The following ERC1 variants were observed in gnomAD, a reference collection of about 807,000 sequenced individuals.
ERC1 encodes RAB6 interacting protein 2.
Under a neutral mutation model 132.0 loss-of-function variants are expected in ERC1, and 56 were observed. The observed-to-expected ratio is 0.42, with a 90% CI of 0.34 to 0.53. ERC1 has a LOEUF of 0.53. Ranked by LOEUF, ERC1 falls within the 20% of genes least tolerant of loss-of-function variation. ERC1 has a pLI of 0.03. For missense variants in ERC1, 1,202 were observed against 1,349.9 expected, an observed-to-expected ratio of 0.89 and a Z score of 1.72; for synonymous variants, 478 against 476.1, an observed-to-expected ratio of 1.00 and a Z score of -0.05.
intron 7 of ERC1, among the ~76,000 whole-genome samples, chr12:1,121,719 CTCTATCTCTATCTCTATCTCTA>C (rs1947184177): frequency 1.3e-3 from 8 of 6,136 alleles, no homozygotes; most frequent in Non-Finnish European, 3.4e-3. Context: ...GTGTCTCTAT[CTCTATCTCTATCTCTATCTCTA>C]TCTATCTCTA....
intron 7 of ERC1, among the ~76,000 whole-genome samples, chr12:1,131,685 T>C (rs1411100374): frequency 1.3e-5 from 2 of 152,148 alleles, no homozygotes; most frequent in East Asian, 3.9e-4. Flanking sequence ...CAGGATGGTC[T>C]CGATCTCCTG....
chr12:1,061,435 T>TA (rs35881682), intron 2 of ERC1, among the ~76,000 whole-genome samples: 12 of 141,036 alleles, frequency 8.5e-5, no homozygotes, highest in Admixed American at 2.1e-4. Context: ...GTCTCTACTA[T>TA]AAAAAAAAAA....
rs1464026288 is a variant in ERC1, at chr12:1,371,950, T to A, written c.2898T>A (p.Asp966Glu). ...TGGCTGCCCTGAAGCGGGAGAAGGATCGTCTGGTACAGCAGCTTAAGCAGC... is the reference window on the plus strand; with the variant it reads ...TGGCTGCCCTGAAGCGGGAGAAGGAACGTCTGGTACAGCAGCTTAAGCAGC... The part of the protein sequence containing the change: ...EEVAALKREK[D>E]RLVQQLKQQT... The change falls in exon 16 of 19, where the codon GAT becomes GAA. Residue 966 changes from aspartate (D) to glutamate (E), a missense_variant. Coordinates refer to ENST00000360905, the MANE Select transcript of ERC1 (RefSeq NM_178040.4). 2.5e-6 allele frequency: 4 copies of A among 1,613,864 alleles called. No homozygotes were observed. Among genetic ancestry groups the A allele is most frequent in the Non-Finnish European group, 3.4e-6 (4 of 1,180,038 alleles).
At chr12:1,208,510 C>T (rs1255706635) in intron 12 of ERC1, among the ~76,000 whole-genome samples, 1 of 152,176 alleles carries the variant, frequency 6.6e-6, no homozygotes, top group Non-Finnish European at 1.5e-5. Context: ...CTAGAGATGA[C>T]ATGCAGGTTG....
At chr12:1,018,970 C>A (rs569228304) in intron 1 of ERC1, among the ~76,000 whole-genome samples, 1 of 152,236 alleles carries the variant, frequency 6.6e-6, no homozygotes, top group African/African-American at 2.4e-5. Context: ...AGAAGAAGGT[C>A]ATGGAAACCA....
chr12:1,095,512 T>G lies in ERC1; in HGVS notation c.1087-9238T>G, dbSNP rs565627956. Reference sequence around the variant, plus strand: ...CATATTTTTTATGGTCTACCACATTTGAAAGTATATTATAGCAACATTAAA... The same window carrying G: ...CATATTTTTTATGGTCTACCACATTGGAAAGTATATTATAGCAACATTAAA... On this transcript the variant is annotated intron_variant, in intron 3 of 18. Coordinates refer to ENST00000360905, the MANE Select transcript of ERC1 (RefSeq NM_178040.4). 1.1e-4 allele frequency among the ~76,000 whole-genome samples: 17 copies of G among 152,258 alleles called. No individual in the cohort carries two copies. The South Asian group carries it at 3.1e-3, about 28-fold the overall frequency.
At chr12:1,309,704 T>C (rs2081146492) in intron 15 of ERC1, among the ~76,000 whole-genome samples, 1 of 147,980 alleles carries the variant, frequency 6.8e-6, no homozygotes, top group Non-Finnish European at 1.5e-5. Flanking sequence ...TCTCATTATG[T>C]GCACTCTGAC....
At position 1,494,202 on chromosome 12, in the gene ERC1, G is replaced by T. The variant is rs1369557236; in HGVS notation, c.*3972G>T. 1 of 232,242 alleles carries T rather than the reference G, an allele frequency of 4.3e-6. No individual in the cohort carries two copies. Among genetic ancestry groups the T allele is most frequent in the Non-Finnish European group, 8.5e-6 (1 of 117,390 alleles). The allele number at this position is 232,242 out of a possible 1,614,324, so 14.4% of individuals were successfully genotyped here. On this transcript the variant is annotated 3_prime_UTR_variant, in exon 19 of 19. Transcript: ENST00000360905. ...TCTGCTCCTGGCCTCCTCTTCACCT[G>T]CCTGGGTTCGGAACTGAGGAGGAAG...
In ERC1 at chr12:1,397,220, T is replaced by C. The variant is rs140942430; in HGVS notation, c.2926-10929T>C. On this transcript the variant is annotated intron_variant, in intron 16 of 18. Coordinates refer to ENST00000360905, the MANE Select transcript of ERC1 (RefSeq NM_178040.4). ...ACTCTCCTGGTGGGAATGCAAAATG[T>C]AGACCTCTTATAGAGGCAGTTTGGC... Among the ~76,000 whole-genome samples the C allele has an allele frequency of 3.3e-5, 5 of 152,330 alleles. No individual in the cohort carries two copies. In the East Asian group the frequency reaches 9.6e-4, roughly 29 times the overall value.
chr12:990,373 CAAAA>C (rs908339565), upstream of ERC1: 2 of 151,364 alleles, frequency 1.3e-5, no homozygotes, highest in African/African-American at 4.9e-5. Flanking sequence ...AAACAAAAAA[CAAAA>C]AACAAAACCA....
rs932406040 is a variant in ERC1 at position 1,435,018 on chromosome 12, C to T, written c.3025-9544C>T. ...AATAAAGGAAGTTGGTAGAGAAAGC[C>T]GTCTTCCTCATGTTTGTTTTTCCCA... On this transcript the variant is annotated intron_variant, in intron 17 of 18. Coordinates refer to ENST00000360905, the MANE Select transcript of ERC1 (RefSeq NM_178040.4). Among the ~76,000 whole-genome samples, 3 of 152,258 alleles carry T rather than the reference C, an allele frequency of 2.0e-5. No homozygotes were observed. In the East Asian group the frequency reaches 5.8e-4, roughly 29 times the overall value.
At chr12:1,277,701 C>A (rs888832241) in intron 14 of ERC1, among the ~76,000 whole-genome samples, 1 of 152,094 alleles carries the variant, frequency 6.6e-6, no homozygotes, top group Admixed American at 6.5e-5. Context: ...GTAACATAAA[C>A]GGTGCTTGTA....
chr12:1,478,630 A>G (rs964087606), intron 18 of ERC1, among the ~76,000 whole-genome samples: 43 of 152,044 alleles, frequency 2.8e-4, no homozygotes, highest in African/African-American at 1.0e-3. Context: ...CGTCTCTACT[A>G]AAAATACAAA....
chr12:1,297,720 A>G (rs1594841771), intron 15 of ERC1, among the ~76,000 whole-genome samples: 1 of 151,798 alleles, frequency 6.6e-6, no homozygotes, highest in East Asian at 1.9e-4. Flanking sequence ...GCCAAAAAAA[A>G]AAAAAAAAAC....
intron 9 of ERC1, 51 bp from the exon 10 acceptor site, chr12:1,181,854 CTAAAAGCAGAATTACAGTCA>C: frequency 1.4e-6 from 2 of 1,455,778 alleles, no homozygotes; most frequent in Non-Finnish European, 1.8e-6. Context: ...TGAAATTCTG[CTAAAAGCAGAATTACAGTCA>C]TATAAGTGCA....
At chr12:1,180,282 T>C (rs11616078) in intron 8 of ERC1, among the ~76,000 whole-genome samples, 5,329 of 144,296 alleles carry the variant, frequency 0.037, 118 homozygotes, top group East Asian at 0.051. Flanking sequence ...TGTGTGTGTG[T>C]GCGCGCACGC....
chr12:1,351,674 A>G (rs2085011434), intron 15 of ERC1, among the ~76,000 whole-genome samples: 1 of 152,022 alleles, frequency 6.6e-6, no homozygotes, highest in Non-Finnish European at 1.5e-5. Flanking sequence ...GTTTTTTATA[A>G]TATTTTCAAT....
At chr12:1,335,080 T>G (rs2083200378) in intron 15 of ERC1, among the ~76,000 whole-genome samples, 1 of 152,196 alleles carries the variant, frequency 6.6e-6, no homozygotes, top group African/African-American at 2.4e-5. Context: ...TGATTTCGTA[T>G]CCTGAAAGTT....
intron 7 of ERC1, among the ~76,000 whole-genome samples, chr12:1,119,302 G>A (rs1035234128): frequency 1.3e-5 from 2 of 151,778 alleles, no homozygotes; most frequent in African/African-American, 4.8e-5. Flanking sequence ...CATGGACTAA[G>A]GCCCTCTGGT....
Sources: allele counts gnomAD v4.1 joint callset (sites outside exome capture counted in the v4.1 genomes callset), GRCh38; gene constraint gnomAD v4.1.1; transcripts MANE v1.5; gene names NCBI Gene and HGNC (gene_info 2026-07-23, HGNC 2026-07-21).